The following MACROD2 variants were observed in gnomAD, a reference collection of about 807,000 sequenced individuals.
MACROD2 encodes mono-ADP ribosylhydrolase 2.
MACROD2 carries 36 observed loss-of-function variants against 70.4 expected under a neutral mutation model. The observed-to-expected ratio is 0.51, with a 90% CI of 0.39 to 0.68. The LOEUF (loss-of-function observed/expected upper bound fraction) is 0.68, where lower values mean the gene tolerates loss of function less well. Ranked by LOEUF, MACROD2 falls within the 30% of genes least tolerant of loss-of-function variation. The probability of loss-of-function intolerance (pLI) is 0.00; values close to 1 mark genes in which losing one functional copy is unlikely to be tolerated. For synonymous variants in MACROD2, 172 were observed against 178.8 expected, an observed-to-expected ratio of 0.96 and a Z score of 0.30; for missense variants, 496 against 538.4, an observed-to-expected ratio of 0.92 and a Z score of 0.78.
At chr20:14,893,930 T>G (rs554391931) in intron 5 of MACROD2, 2 of 151,608 alleles carry the variant, frequency 1.3e-5, no homozygotes, top group East Asian at 4.0e-4. Flanking sequence ...TACCACAGGC[T>G]TGTACCACCA....
intron 4 of MACROD2, among the ~76,000 whole-genome samples, chr20:14,537,680 G>C (rs1326909048): frequency 1.3e-5 from 2 of 151,984 alleles, no homozygotes; most frequent in African/African-American, 2.4e-5. Flanking sequence ...GGAGCTTCAG[G>C]GCTCTATTAA....
intron 15 of MACROD2, among the ~76,000 whole-genome samples, chr20:16,026,949 G>A (rs2067089022): frequency 6.6e-6 from 1 of 152,152 alleles, no homozygotes. Context: ...TCTTTCAGGT[G>A]TGTGTATGTG....
At chr20:15,587,602 A>G (rs1254961648) in intron 8 of MACROD2, among the ~76,000 whole-genome samples, 1 of 152,158 alleles carries the variant, frequency 6.6e-6, no homozygotes, top group Non-Finnish European at 1.5e-5. Context: ...GATGCAATGG[A>G]CGTACAGTTA....
At chr20:15,048,101 T>C (rs1435094319) in intron 5 of MACROD2, among the ~76,000 whole-genome samples, 1 of 149,558 alleles carries the variant, frequency 6.7e-6, no homozygotes, top group Non-Finnish European at 1.5e-5. Context: ...CTGTCTCTAG[T>C]AAATAAATAA....
At chr20:15,510,902 T>G (rs2047490602) in intron 8 of MACROD2, among the ~76,000 whole-genome samples, 1 of 152,178 alleles carries the variant, frequency 6.6e-6, no homozygotes, top group Non-Finnish European at 1.5e-5. Flanking sequence ...AGCCCCAACC[T>G]TTTAGTGAGG....
chr20:15,551,911 G>A lies in MACROD2; in HGVS notation c.645+52064G>A, dbSNP rs559927013. Among the ~76,000 whole-genome samples the A allele has an allele frequency of 7.2e-4, 108 of 149,982 alleles. 1 individual carries two copies. The highest frequency in any genetic ancestry group is 7.0e-3 in the Middle Eastern group (2 of 286). The stretch of plus-strand genomic sequence containing the variant: ...AGAATATTTTATTTCTGTGTAAACA[G>A]ATTATTATTCCTTTTTTATTTATGA... On this transcript the variant is annotated intron_variant, in intron 8 of 17. Transcript: ENST00000684519.
At chr20:15,996,096 G>A (rs898182559) in intron 15 of MACROD2, among the ~76,000 whole-genome samples, 14 of 152,052 alleles carry the variant, frequency 9.2e-5, no homozygotes, top group Non-Finnish European at 1.6e-4. Context: ...TTTCCATAAT[G>A]CTGTACTAAT....
chr20:15,438,286 C>T (rs2046453150), intron 7 of MACROD2, among the ~76,000 whole-genome samples: 1 of 152,132 alleles, frequency 6.6e-6, no homozygotes, highest in Non-Finnish European at 1.5e-5. Context: ...AACTAATTCA[C>T]ACTCCGACCA....
intron 6 of MACROD2, among the ~76,000 whole-genome samples, chr20:15,284,263 A>T (rs1415535106): frequency 6.6e-6 from 1 of 152,120 alleles, no homozygotes; most frequent in Non-Finnish European, 1.5e-5. Context: ...AATAAATCAG[A>T]TTGTTTTCCT....
intron 5 of MACROD2, among the ~76,000 whole-genome samples, chr20:15,066,982 C>T (rs1400782606): frequency 6.6e-6 from 1 of 151,360 alleles, no homozygotes; most frequent in Non-Finnish European, 1.5e-5. Context: ...ATACTACAGT[C>T]AAATTTCAAA....
chr20:15,862,857 A>G, intron 9 of MACROD2, 31 bp downstream of exon 9: 1 of 1,519,424 alleles, frequency 6.6e-7, no homozygotes, highest in Non-Finnish European at 9.1e-7. Context: ...TTTTCTTTCA[A>G]ATTGAGGATG....
intron 5 of MACROD2, chr20:14,850,529 AG>A (rs750668257): frequency 2.0e-5 from 3 of 152,550 alleles, no homozygotes; most frequent in Non-Finnish European, 2.9e-5. Flanking sequence ...TGCTTCAACT[AG>A]AGTGTTTAAT....
At chr20:15,294,072 G>T (rs1224188491) in intron 6 of MACROD2, among the ~76,000 whole-genome samples, 4 of 145,320 alleles carry the variant, frequency 2.8e-5, no homozygotes. Flanking sequence ...AGTGAGCCGA[G>T]ATCAGGCCAT....
intron 8 of MACROD2, among the ~76,000 whole-genome samples, chr20:15,826,281 G>A (rs1209550985): frequency 6.6e-6 from 1 of 152,078 alleles, no homozygotes; most frequent in African/African-American, 2.4e-5. Flanking sequence ...TCTCTGATAA[G>A]GGAATACGCA....
chr20:15,885,323 C>T (rs942707071), intron 9 of MACROD2, among the ~76,000 whole-genome samples: 6 of 152,032 alleles, frequency 3.9e-5, no homozygotes, highest in South Asian at 2.1e-4. Flanking sequence ...TGGTGTGGTG[C>T]GGGGATTTGA....
chr20:15,786,103 A>G (rs1225916546), intron 8 of MACROD2, among the ~76,000 whole-genome samples: 1 of 152,008 alleles, frequency 6.6e-6, no homozygotes. Context: ...CAAAAGGAGA[A>G]TAAGATGGAC....
intron 5 of MACROD2, chr20:14,906,069 A>G (rs906905025): frequency 3.3e-5 from 5 of 152,236 alleles, no homozygotes; most frequent in African/African-American, 9.6e-5. Flanking sequence ...AGGAACAAAT[A>G]AGAAAGAATT....
chr20:15,686,535 G>C (rs2050226933), intron 8 of MACROD2, among the ~76,000 whole-genome samples: 1 of 152,116 alleles, frequency 6.6e-6, no homozygotes. Context: ...ATAGGTAGTA[G>C]AAAGGGGCTT....
intron 8 of MACROD2, among the ~76,000 whole-genome samples, chr20:15,784,874 T>C (rs1279975431): frequency 1.3e-5 from 2 of 151,802 alleles, no homozygotes; most frequent in South Asian, 2.1e-4. Flanking sequence ...GTAGGCCGGG[T>C]GCGGTGGCTC....
Sources: allele counts gnomAD v4.1 joint callset (sites outside exome capture counted in the v4.1 genomes callset), GRCh38; gene constraint gnomAD v4.1.1; transcripts MANE v1.5; gene names NCBI Gene and HGNC (gene_info 2026-07-23, HGNC 2026-07-21).